SLC4A4: variants seen among roughly 807,000 people sequenced by gnomAD.
The protein encoded by SLC4A4 is solute carrier family 4 member 4.
A neutral mutation model predicts 111.5 loss-of-function variants in SLC4A4; 27 were observed. The observed-to-expected ratio is 0.24, with a 90% CI of 0.18 to 0.33. SLC4A4 has a LOEUF of 0.33. Ranked by LOEUF, SLC4A4 falls within the 10% of genes least tolerant of loss-of-function variation. The pLI is 1.00. For synonymous variants in SLC4A4, 443 were observed against 463.4 expected, an observed-to-expected ratio of 0.96 and a Z score of 0.57; for missense variants, 909 against 1,315.5, an observed-to-expected ratio of 0.69 and a Z score of 4.78.
At chr4:71,145,879 T>C (rs2148969026) in intron 2 of SLC4A4, among the ~76,000 whole-genome samples, 1 of 152,322 alleles carries the variant, frequency 6.6e-6, no homozygotes, top group African/African-American at 2.4e-5. Flanking sequence ...TCAATTTTGT[T>C]GATCTTTTCA....
chr4:71,361,150 A>T (rs1266542185), intron 6 of SLC4A4, among the ~76,000 whole-genome samples: 2 of 152,172 alleles, frequency 1.3e-5, no homozygotes, highest in African/African-American at 2.4e-5. Context: ...CTTGGTTGTG[A>T]CAATATCCTT....
chr4:71,160,886 A>T (rs78069936), intron 2 of SLC4A4, among the ~76,000 whole-genome samples: 3 of 152,202 alleles, frequency 2.0e-5, no homozygotes. Context: ...GATTATAAAA[A>T]TGAGGCTTCG....
chr4:71,493,779 T>C (rs1454116825), intron 15 of SLC4A4, among the ~76,000 whole-genome samples: 2 of 148,452 alleles, frequency 1.3e-5, no homozygotes, highest in African/African-American at 5.0e-5. Flanking sequence ...TCATCCACTA[T>C]AAACACCTCA....
At position 71,228,845 on chromosome 4, in the gene SLC4A4, G is replaced by A. The variant is rs140961019; in HGVS notation, c.-1-7731G>A. ...CCCAAGGTTAACATTTTACAAAGAG[G>A]TAGTATAATGTCATAACCAGCATAT... is the stretch of plus-strand genomic sequence containing the variant. On this transcript the variant is annotated intron_variant, in intron 1 of 25. Transcript: ENST00000264485. 1.9e-3 allele frequency among the ~76,000 whole-genome samples: 286 copies of A among 152,294 alleles called. 2 individuals carry two copies. The highest frequency in any genetic ancestry group is 6.6e-3 in the African/African-American group (276 of 41,556).
At chr4:71,403,925 C>A (rs1376038991) in intron 7 of SLC4A4, among the ~76,000 whole-genome samples, 1 of 152,066 alleles carries the variant, frequency 6.6e-6, no homozygotes, top group South Asian at 2.1e-4. Context: ...AGCTCACAGA[C>A]CCATAAGAGC....
intron 23 of SLC4A4, among the ~76,000 whole-genome samples, chr4:71,563,114 G>T (rs1009561424): frequency 6.6e-6 from 1 of 151,708 alleles, no homozygotes; most frequent in Non-Finnish European, 1.5e-5. Flanking sequence ...CCCATGATTA[G>T]CTGCCTGGTT....
intron 3 of SLC4A4, among the ~76,000 whole-genome samples, chr4:71,283,313 G>A (rs1901709): frequency 0.14 from 20,881 of 152,184 alleles, 2,171 homozygotes; most frequent in African/African-American, 0.25. Flanking sequence ...GTTTTTAGGA[G>A]TAGGAGGAGA....
At chr4:71,123,038 G>A (rs951847823) in intron 2 of SLC4A4, among the ~76,000 whole-genome samples, 2 of 152,232 alleles carry the variant, frequency 1.3e-5, no homozygotes, top group African/African-American at 4.8e-5. Flanking sequence ...AAGAGAACAA[G>A]AACGATCTCT....
intron 4 of SLC4A4, among the ~76,000 whole-genome samples, chr4:71,345,355 C>T (rs762377379): frequency 3.9e-5 from 6 of 151,988 alleles, no homozygotes; most frequent in Non-Finnish European, 8.8e-5. Flanking sequence ...AGGGATATCT[C>T]TGCAAAAATG....
Position 71,563,843 on chromosome 4 carries a change from C to T in SLC4A4, c.3150C>T (p.Asp1050=). ...EKVPSIKIPM[D]IMEQQPFLSD... ...TTCCAAGTATTAAAATTCCAATGGA[C>T]ATCATGGAACAGCAACCTTTCCTAA... The change falls in exon 24 of 26, where the codon GAC becomes GAT. Residue 1050 remains aspartate (D), a synonymous_variant. Coordinates refer to ENST00000264485, the MANE Select transcript of SLC4A4 (RefSeq NM_001098484.3). 5 of 1,611,588 alleles carry T rather than the reference C, an allele frequency of 3.1e-6. No individual in the cohort carries two copies. The highest frequency in any genetic ancestry group is 4.2e-6 in the Non-Finnish European group (5 of 1,178,336).
chr4:71,468,342 T>G (rs1440929024), intron 13 of SLC4A4, among the ~76,000 whole-genome samples: 1 of 152,028 alleles, frequency 6.6e-6, no homozygotes, highest in Non-Finnish European at 1.5e-5. Context: ...GCAGAAAGAT[T>G]TATTGGATGA....
intron 3 of SLC4A4, chr4:71,300,760 C>A: frequency 5.4e-6 from 2 of 369,948 alleles, no homozygotes; most frequent in Middle Eastern, 5.1e-4. Flanking sequence ...GTCTTACAGG[C>A]CATCTGGTGG....
At chr4:71,188,235 AAACTTG>A (rs1440915792) in intron 1 of SLC4A4, among the ~76,000 whole-genome samples, 3 of 152,226 alleles carry the variant, frequency 2.0e-5, no homozygotes, top group African/African-American at 7.2e-5. Flanking sequence ...ACAAAAAGAA[AAACTTG>A]AACTTGACGT....
chr4:71,208,543 A>T (rs987631240), intron 1 of SLC4A4, among the ~76,000 whole-genome samples: 1 of 151,646 alleles, frequency 6.6e-6, no homozygotes, highest in Non-Finnish European at 1.5e-5. Context: ...TGGAAATAAA[A>T]TGTGGTATTA....
chr4:71,487,728 G>A (rs558263081), intron 15 of SLC4A4, among the ~76,000 whole-genome samples: 6 of 151,724 alleles, frequency 4.0e-5, no homozygotes, highest in Admixed American at 2.0e-4. Flanking sequence ...TGTTGATAGA[G>A]TGCCCATCTC....
chr4:71,307,138 T>C (rs898845469), intron 3 of SLC4A4, among the ~76,000 whole-genome samples: 3 of 152,332 alleles, frequency 2.0e-5, no homozygotes, highest in East Asian at 3.9e-4. Flanking sequence ...TTAAAGTGAT[T>C]GCCTAAGTTT....
rs574314186 is a variant in SLC4A4, at chr4:71,065,151, C to G, written c.-65+2363C>G. Among the ~76,000 whole-genome samples, 6 of 152,142 alleles carry G rather than the reference C, an allele frequency of 3.9e-5. No individual in the cohort carries two copies. In the South Asian group the frequency reaches 1.2e-3, roughly 32 times the overall value. ...CTGAATGATATGAGGAAAATACTCC[C>G]AAGCTACAGTGGCATTTATAAGATT... is the stretch of plus-strand genomic sequence containing the variant. On this transcript the variant is annotated intron_variant, in intron 1 of 26. Transcript: ENST00000649996.
chr4:71,328,433 C>T (rs1465397182), intron 3 of SLC4A4, among the ~76,000 whole-genome samples: 1 of 151,926 alleles, frequency 6.6e-6, no homozygotes, highest in Non-Finnish European at 1.5e-5. Context: ...GCTATACATT[C>T]CCACCAACAG....
chr4:71,227,819 G>T (rs540365399), intron 1 of SLC4A4, among the ~76,000 whole-genome samples: 2 of 152,290 alleles, frequency 1.3e-5, no homozygotes, highest in South Asian at 2.1e-4. Context: ...TTGAAGAAGG[G>T]TGATTGAAAG....
Sources: allele counts gnomAD v4.1 joint callset (sites outside exome capture counted in the v4.1 genomes callset), GRCh38; gene constraint gnomAD v4.1.1; transcripts MANE v1.5; gene names NCBI Gene and HGNC (gene_info 2026-07-23, HGNC 2026-07-21).